Variants in AFF1 observed in about 807,000 individuals in gnomAD.
AFF1 encodes ALF transcription elongation factor 1.
Under a neutral mutation model 121.7 loss-of-function variants are expected in AFF1, and 48 were observed. The observed-to-expected ratio is 0.39, with a 90% confidence interval of 0.31 to 0.50. AFF1 has a LOEUF of 0.50. Among genes scored for constraint, AFF1 ranks in the 20% least tolerant of loss-of-function variants. The pLI is 0.76. For missense variants in AFF1, 1,523 were observed against 1,511.7 expected, an observed-to-expected ratio of 1.01 and a Z score of -0.12; for synonymous variants, 613 against 563.0, an observed-to-expected ratio of 1.09 and a Z score of -1.26.
intron 2 of AFF1, among the ~76,000 whole-genome samples, chr4:87,036,039 A>G (rs1012806133): frequency 1.3e-5 from 2 of 152,174 alleles, no homozygotes; most frequent in African/African-American, 4.8e-5. Context: ...ACAGACCAGA[A>G]GAGCAGGAGA....
At chr4:87,135,150 A>G (rs773208676) in intron 20 of AFF1, among the ~76,000 whole-genome samples, 1 of 152,214 alleles carries the variant, frequency 6.6e-6, no homozygotes, top group Non-Finnish European at 1.5e-5. Flanking sequence ...CGTAGTAAAC[A>G]TTATTGAGAC....
intron 2 of AFF1, among the ~76,000 whole-genome samples, chr4:87,022,592 A>ACATATATATATATATATATATATC (rs1728082852): frequency 5.0e-5 from 5 of 99,846 alleles, no homozygotes; most frequent in African/African-American, 2.3e-4. Context: ...ATCTATCTAT[A>ACATATATATATATATATATATATC]TCTATCTGTG....
intron 2 of AFF1, among the ~76,000 whole-genome samples, chr4:86,999,050 A>G (rs1205880686): frequency 6.6e-6 from 1 of 152,224 alleles, no homozygotes; most frequent in Non-Finnish European, 1.5e-5. Flanking sequence ...ACCATTTCTC[A>G]GGCTGTCTCT....
chr4:87,135,852 C>A lies in AFF1; in HGVS notation c.*151C>A. 2 of 1,220,636 alleles carry A rather than the reference C, an allele frequency of 1.6e-6. No homozygotes were observed. Among genetic ancestry groups the A allele is most frequent in the Non-Finnish European group, 2.2e-6 (2 of 914,002 alleles). 75.6% of individuals were successfully genotyped at this position (1,220,636 alleles called of 1,614,324 possible). A position where few individuals can be genotyped will look rare whatever the true frequency, so the allele number is the denominator to read the frequency against. On this transcript the variant is annotated 3_prime_UTR_variant, in exon 21 of 21. Coordinates refer to ENST00000395146, the MANE Select transcript of AFF1 (RefSeq NM_001166693.3). ...GACATTTGTCCACTTAAACTCTCAACAACAGTGTGATCATTGGTTGGACAC... is the reference window on the plus strand; with the variant it reads ...GACATTTGTCCACTTAAACTCTCAAAAACAGTGTGATCATTGGTTGGACAC...
chr4:86,961,745 G>A (rs929298070), intron 2 of AFF1, among the ~76,000 whole-genome samples: 4 of 151,754 alleles, frequency 2.6e-5, no homozygotes, highest in South Asian at 2.1e-4. Context: ...CCTTTTCATC[G>A]CCGTGGTGAG....
chr4:87,035,601 G>T (rs1172445113), intron 2 of AFF1, among the ~76,000 whole-genome samples: 3 of 152,024 alleles, frequency 2.0e-5, no homozygotes, highest in East Asian at 1.9e-4. Context: ...AGTCCTGTAG[G>T]CACCAGGGCT....
chr4:87,121,070 A>G (rs1042766025), intron 12 of AFF1, among the ~76,000 whole-genome samples: 1 of 152,170 alleles, frequency 6.6e-6, no homozygotes, highest in Admixed American at 6.5e-5. Context: ...AAGAAAAGCA[A>G]ACAAGTCTGT....
At chr4:87,099,548 A>G (rs1725211035) in intron 8 of AFF1, among the ~76,000 whole-genome samples, 2 of 152,282 alleles carry the variant, frequency 1.3e-5, no homozygotes, top group African/African-American at 2.4e-5. Context: ...AGCTGGGACT[A>G]TAGGCACACA....
rs1730772193 is a variant in AFF1, at chr4:87,047,049, G to A, written c.514G>A (p.Gly172Ser). The change falls in exon 4 of 21, where the codon GGT becomes AGT. Residue 172 changes from glycine to serine, a missense_variant. By Grantham distance (56) the Gly-to-Ser change is moderately conservative. Transcript: ENST00000395146. ...DSQHLTQDRL[G>S]QEGFGSSHHK... ...CCAGCACCTGACCCAGGATCGCCTT[G>A]GTCAGGAGGGGTTCGGCTCTAGTCA... 6 of 1,614,006 alleles carry A rather than the reference G, an allele frequency of 3.7e-6. No homozygotes were observed. In the South Asian group the frequency reaches 5.5e-5, roughly 15 times the overall value.
At chr4:87,049,485 A>G (rs958795014) in intron 4 of AFF1, among the ~76,000 whole-genome samples, 4 of 152,106 alleles carry the variant, frequency 2.6e-5, no homozygotes, top group Non-Finnish European at 2.9e-5. Flanking sequence ...CTTATATTTA[A>G]TATGTATTTT....
chr4:87,119,767 C>T lies in AFF1; in HGVS notation c.2466+4468C>T, dbSNP rs1043484843. 5.9e-5 allele frequency among the ~76,000 whole-genome samples: 9 copies of T among 152,150 alleles called. No homozygotes were observed. In the East Asian group the frequency reaches 1.7e-3, roughly 29 times the overall value. ...GGTGCATTCATTCAAATCTTTTTTA[C>T]TTTTTCTAAATAATCGCTTTGCTGA... On this transcript the variant is annotated intron_variant, in intron 12 of 20. Transcript: ENST00000395146.
chr4:86,979,118 G>A (rs1183191608), intron 2 of AFF1, among the ~76,000 whole-genome samples: 1 of 151,922 alleles, frequency 6.6e-6, no homozygotes, highest in African/African-American at 2.4e-5. Context: ...ATTTTTTTGA[G>A]ACAGAATCTT....
At chr4:86,991,710 A>G (rs1259853949) in intron 2 of AFF1, among the ~76,000 whole-genome samples, 1 of 152,024 alleles carries the variant, frequency 6.6e-6, no homozygotes, top group East Asian at 1.9e-4. Flanking sequence ...GACATCCCTT[A>G]ACTACATCTT....
chr4:87,029,938 A>T (rs1048482), intron 2 of AFF1, among the ~76,000 whole-genome samples: 6,791 of 152,276 alleles, frequency 0.045, 496 homozygotes, highest in African/African-American at 0.15. Flanking sequence ...TCCATCACAC[A>T]TCACATTTTG....
At chr4:86,964,875 C>T (rs1048502013) in intron 2 of AFF1, among the ~76,000 whole-genome samples, 4 of 152,200 alleles carry the variant, frequency 2.6e-5, no homozygotes, top group African/African-American at 9.7e-5. Flanking sequence ...TCCTCCATCT[C>T]ATATATCCGT....
chr4:87,061,921 C>T (rs1220985123), intron 4 of AFF1, among the ~76,000 whole-genome samples: 1 of 152,094 alleles, frequency 6.6e-6, no homozygotes, highest in African/African-American at 2.4e-5. Context: ...CTTTTTTTGA[C>T]CCTCTATCCA....
intron 2 of AFF1, among the ~76,000 whole-genome samples, chr4:87,023,090 G>A (rs1213750197): frequency 6.6e-6 from 1 of 151,522 alleles, no homozygotes; most frequent in African/African-American, 2.4e-5. Context: ...ATTTTTTTTT[G>A]TAGAGATGGG....
intron 2 of AFF1, among the ~76,000 whole-genome samples, chr4:86,987,829 C>T (rs551108192): frequency 3.3e-5 from 5 of 151,684 alleles, no homozygotes; most frequent in Admixed American, 6.6e-5. Flanking sequence ...GGCACACGCT[C>T]GTAGTCCCAG....
At chr4:87,014,894 A>G (rs1016578833) in intron 2 of AFF1, among the ~76,000 whole-genome samples, 7 of 152,360 alleles carry the variant, frequency 4.6e-5, no homozygotes, top group East Asian at 1.9e-4. Flanking sequence ...GTACAAAACT[A>G]TGAAACCTGT....
Sources: gnomAD v4.1 joint callset for allele counts (sites outside exome capture counted in the v4.1 genomes callset) on GRCh38, gnomAD v4.1.1 for gene constraint, MANE v1.5 for transcripts, NCBI Gene and HGNC (gene_info 2026-07-23, HGNC 2026-07-21) for gene names.